PDSS2: variants seen among roughly 807,000 people sequenced by gnomAD.
PDSS2 encodes decaprenyl diphosphate synthase subunit 2.
In PDSS2, 31 loss-of-function variants were observed where a neutral mutation model predicts 44.5. The ratio of observed to expected loss-of-function variants is 0.70; its 90% CI spans 0.52 to 0.94. The LOEUF is 0.94. Among genes scored for constraint, PDSS2 ranks in the 40% least tolerant of loss-of-function variants. The probability of loss-of-function intolerance (pLI) is 0.00; values close to 1 mark genes in which losing one functional copy is unlikely to be tolerated. For synonymous variants in PDSS2, 157 were observed against 180.3 expected (o/e 0.87, Z 1.03); for missense variants, 452 against 482.2 (o/e 0.94, Z 0.59).
chr6:107,287,968 C>G (rs71574241), intron 2 of PDSS2, among the ~76,000 whole-genome samples: 1 of 152,098 alleles, frequency 6.6e-6, no homozygotes, highest in East Asian at 1.9e-4. Flanking sequence ...GCATTCCAGC[C>G]TGAGCGACAG....
chr6:107,411,813 G>C (rs1455315533), intron 1 of PDSS2, among the ~76,000 whole-genome samples: 4 of 151,694 alleles, frequency 2.6e-5, no homozygotes, highest in South Asian at 4.2e-4. Context: ...GTTAGTATTG[G>C]GGGGTGGGGG....
rs918663268 is a variant in PDSS2 at position 107,212,337 on chromosome 6, T to C, written c.703-55A>G. On this transcript the variant is annotated intron_variant, in intron 4 of 7. Transcript: ENST00000369037. ...AAGACTTTAGGAGTAATTTAATTGT[T>C]TCTGTTTTTGAAGAATAAAAAAGTT... 3 of 1,408,676 alleles carry C rather than the reference T, an allele frequency of 2.1e-6. No homozygotes were observed. The African/African-American group carries it at 4.3e-5, about 20-fold the overall frequency. The allele number at this position is 1,408,676 out of a possible 1,614,324, so 87.3% of individuals were successfully genotyped here. A position where few individuals can be genotyped will look rare whatever the true frequency, so the allele number is the denominator to read the frequency against.
chr6:107,157,708 T>A (rs868966338), intron 7 of PDSS2, among the ~76,000 whole-genome samples: 1 of 151,612 alleles, frequency 6.6e-6, no homozygotes, highest in Non-Finnish European at 1.5e-5. Flanking sequence ...TCTCCCTCTA[T>A]CACCCAGGCT....
rs80125428 is a variant in PDSS2, at chr6:107,304,484, C to T, written c.431+29714G>A. ...CCACATAGCATAGAACTTAAAAGAG[C>T]AGATTCTAGAGCCAGGTTGCCTAGA... On this transcript the variant is annotated intron_variant, in intron 2 of 7. Transcript: ENST00000369037. Among the ~76,000 whole-genome samples, 1,023 of 152,268 alleles carry T rather than the reference C, an allele frequency of 6.7e-3. 6 individuals carry two copies. Among genetic ancestry groups the T allele is most frequent in the Non-Finnish European group, 9.1e-3 (620 of 68,014 alleles).
chr6:107,164,168 A>T (rs1984122), intron 7 of PDSS2, among the ~76,000 whole-genome samples: 49,716 of 150,220 alleles, frequency 0.33, 8,426 homozygotes, highest in Non-Finnish European at 0.37. Flanking sequence ...CTTAAAAAAA[A>T]TTTTTTTTTT....
rs1782143992 is a variant in PDSS2 at position 107,458,858 on chromosome 6, G to A, written c.296+132C>T. Reference sequence around the variant, plus strand: ...AGAGACAACACGGAATGTCTAGGAGGAGTGAGTAAAAAGGAAGGACTAAAA... The same window carrying A: ...AGAGACAACACGGAATGTCTAGGAGAAGTGAGTAAAAAGGAAGGACTAAAA... On this transcript the variant is annotated intron_variant, in intron 1 of 7. Transcript: ENST00000369037. The A allele has an allele frequency of 5.3e-6, 4 of 756,254 alleles. No individual in the cohort carries two copies. The East Asian group carries it at 1.1e-4, about 20-fold the overall frequency. The allele number at this position is 756,254 out of a possible 1,614,324, so 46.8% of individuals were successfully genotyped here. A position where few individuals can be genotyped will look rare whatever the true frequency, so the allele number is the denominator to read the frequency against.
chr6:107,313,000 C>G (rs1777090263), intron 2 of PDSS2, among the ~76,000 whole-genome samples: 1 of 152,170 alleles, frequency 6.6e-6, no homozygotes, highest in Non-Finnish European at 1.5e-5. Flanking sequence ...CAGAGTCATG[C>G]TCTTCCAACT....
intron 4 of PDSS2, among the ~76,000 whole-genome samples, chr6:107,232,295 G>A (rs536068421): frequency 8.5e-5 from 13 of 152,100 alleles, no homozygotes; most frequent in African/African-American, 2.9e-4. Context: ...CGAACTCCTG[G>A]CTCAAGTGAT....
intron 1 of PDSS2, among the ~76,000 whole-genome samples, chr6:107,441,583 C>A (rs1030489145): frequency 6.6e-6 from 1 of 152,178 alleles, no homozygotes; most frequent in Non-Finnish European, 1.5e-5. Context: ...AGGTCCTAGA[C>A]ATGACAATAA....
At chr6:107,301,830 G>A (rs1442412552) in intron 2 of PDSS2, among the ~76,000 whole-genome samples, 1 of 149,928 alleles carries the variant, frequency 6.7e-6, no homozygotes. Flanking sequence ...GGCATGGTCT[G>A]GGCTGAAGCA....
chr6:107,453,074 TTTC>T (rs1483938074), intron 1 of PDSS2, among the ~76,000 whole-genome samples: 1 of 151,992 alleles, frequency 6.6e-6, no homozygotes, highest in African/African-American at 2.4e-5. Context: ...TATCCTATGT[TTTC>T]TTTTTTTTTT....
At chr6:107,365,074 G>A (rs1440442847) in intron 1 of PDSS2, among the ~76,000 whole-genome samples, 3 of 152,088 alleles carry the variant, frequency 2.0e-5, no homozygotes, top group Non-Finnish European at 4.4e-5. Flanking sequence ...GAAACAAAGA[G>A]TGTAAAAAAT....
rs997324773 is a variant in PDSS2 at position 107,361,695 on chromosome 6, C to A, written c.297-27363G>T. ...GTGCTTTAAAATGTACAGATAGAGA[C>A]TTCCATTTATCATGATGGAATGAGG... On this transcript the variant is annotated intron_variant, in intron 1 of 7. Transcript: ENST00000369037. Among the ~76,000 whole-genome samples the A allele has an allele frequency of 5.3e-5, 8 of 152,206 alleles. No homozygotes were observed. In the East Asian group the frequency reaches 1.5e-3, roughly 29 times the overall value.
rs764983666 is a variant in PDSS2 at position 107,459,303 on chromosome 6, G to C, written c.-18C>G. 2 of 1,612,148 alleles carry C rather than the reference G, an allele frequency of 1.2e-6. No homozygotes were observed. Among genetic ancestry groups the C allele is most frequent in the Non-Finnish European group, 1.7e-6 (2 of 1,178,862 alleles). On this transcript the variant is annotated 5_prime_UTR_variant, in exon 1 of 8. Coordinates refer to ENST00000369037, the MANE Select transcript of PDSS2 (RefSeq NM_020381.4). The surrounding 1 kb of genome is among the most constrained non-coding windows in gnomAD (Gnocchi z 4.3). ...AAGTTCATGGTTTGAGTCTGGAAGGGTCTGGGACCTGGGGGTATCCAGAAG... is the reference window on the plus strand; with the variant it reads ...AAGTTCATGGTTTGAGTCTGGAAGGCTCTGGGACCTGGGGGTATCCAGAAG...
At chr6:107,314,859 C>T (rs542820005) in intron 2 of PDSS2, among the ~76,000 whole-genome samples, 1 of 152,244 alleles carries the variant, frequency 6.6e-6, no homozygotes, top group Non-Finnish European at 1.5e-5. Context: ...AAGCAATGCC[C>T]TGCCAGCATG....
chr6:107,169,780 T>C (rs1771496671), intron 7 of PDSS2, among the ~76,000 whole-genome samples: 1 of 152,108 alleles, frequency 6.6e-6, no homozygotes, highest in Admixed American at 6.6e-5. Context: ...GCAGCAGAGG[T>C]TGCAGAACAG....
At chr6:107,164,405 G>C (rs1410631244) in intron 7 of PDSS2, among the ~76,000 whole-genome samples, 1 of 152,168 alleles carries the variant, frequency 6.6e-6, no homozygotes, top group African/African-American at 2.4e-5. Context: ...CTACCAGTGA[G>C]AACATGCAGT....
chr6:107,396,351 T>A (rs1779939461), intron 1 of PDSS2, among the ~76,000 whole-genome samples: 2 of 152,190 alleles, frequency 1.3e-5, no homozygotes, highest in African/African-American at 4.8e-5. Flanking sequence ...TTCCCTTCCC[T>A]GCACCAAGAT....
intron 3 of PDSS2, among the ~76,000 whole-genome samples, chr6:107,266,941 A>G (rs1182541776): frequency 6.6e-6 from 1 of 152,240 alleles, no homozygotes; most frequent in Non-Finnish European, 1.5e-5. Context: ...TGTGACTGAC[A>G]CAAGCTAGTT....
Sources: allele counts gnomAD v4.1 joint callset (sites outside exome capture counted in the v4.1 genomes callset), GRCh38; gene constraint gnomAD v4.1.1; non-coding constraint Gnocchi (gnomAD v3.1); transcripts MANE v1.5; gene names NCBI Gene and HGNC (gene_info 2026-07-23, HGNC 2026-07-21).